Variants in CACNG3 observed in about 807,000 individuals in gnomAD.
CACNG3 encodes voltage-dependent calcium channel gamma-3 subunit.
CACNG3 carries 3 observed loss-of-function variants against 28.5 expected under a neutral mutation model. That is an observed-to-expected ratio of 0.11 (90% CI 0.05 to 0.27). The LOEUF (loss-of-function observed/expected upper bound fraction) is 0.27. Among genes scored for constraint, CACNG3 ranks in the 10% least tolerant of loss-of-function variants. The pLI is 1.00. For synonymous variants in CACNG3, 174 were observed against 162.2 expected, an observed-to-expected ratio of 1.07 and a Z score of -0.55; for missense variants, 236 against 414.4, an observed-to-expected ratio of 0.57 and a Z score of 3.74.
intron 1 of CACNG3, among the ~76,000 whole-genome samples, chr16:24,312,676 G>C (rs1000087393): frequency 1.3e-5 from 2 of 151,704 alleles, no homozygotes; most frequent in Non-Finnish European, 2.9e-5. Context: ...TAATTAGCCA[G>C]ACACTGTGGC....
chr16:24,352,494 G>A (rs1057281027), intron 2 of CACNG3, among the ~76,000 whole-genome samples: 1 of 151,794 alleles, frequency 6.6e-6, no homozygotes, highest in African/African-American at 2.4e-5. Flanking sequence ...AGCTATGAAG[G>A]GCTTTTGCCT....
Position 24,361,603 on chromosome 16 carries a change from C to G in CACNG3, c.688C>G (p.Arg230Gly). Residue 230 changes from arginine to glycine, a missense_variant, in exon 4 of 4, where the codon CGA becomes GGA. By Grantham distance (125) the Arg-to-Gly change is moderately radical. Transcript: ENST00000005284. The surrounding 1 kb of genome is among the most constrained non-coding windows in gnomAD (Gnocchi z 6.8). ...TFARLPPYRYRFRRRSSSRST... is the reference protein window; with the variant it reads ...TFARLPPYRYGFRRRSSSRST... ...TGCCCGCCTCCCACCCTACAGGTAT[C>G]GATTCCGGAGGCGGTCAAGTTCTCG... 6.2e-7 allele frequency: 1 copy of G among 1,613,708 alleles called. No individual in the cohort carries two copies. The highest frequency in any genetic ancestry group is 8.5e-7 in the Non-Finnish European group (1 of 1,179,820).
intron 1 of CACNG3, among the ~76,000 whole-genome samples, chr16:24,294,324 G>C (rs374764158): frequency 1.7e-4 from 26 of 152,322 alleles, no homozygotes; most frequent in Middle Eastern, 6.8e-3. Context: ...CACCATTCCT[G>C]CTGGCAGCAG....
intron 1 of CACNG3, among the ~76,000 whole-genome samples, chr16:24,307,884 C>T (rs1899206959): frequency 6.6e-6 from 1 of 152,212 alleles, no homozygotes; most frequent in Admixed American, 6.5e-5. Flanking sequence ...CATAACTCTA[C>T]TTCTTGGGGT....
rs1491194402 is a variant in CACNG3 at position 24,317,648 on chromosome 16, A to AAAGAAAGAAAGGAAAAG, written c.212-29084_212-29083insGAAAGAAAGGAAAAGAA. ...AAAGACAGACAGAAAGAAAGAAAAG[A>AAAGAAAGAAAGGAAAAG]AAAGAAAGAAAGAAAGAAAGAAAGA... On this transcript the variant is annotated intron_variant, in intron 1 of 3. Coordinates refer to ENST00000005284, the MANE Select transcript of CACNG3 (RefSeq NM_006539.4). Among the ~76,000 whole-genome samples, 24 of 55,736 alleles carry AAAGAAAGAAAGGAAAAG rather than the reference A, an allele frequency of 4.3e-4. 1 individual carries two copies. Among genetic ancestry groups the AAAGAAAGAAAGGAAAAG allele is most frequent in the South Asian group, 1.2e-3 (2 of 1,624 alleles). The allele number at this position is 55,736 out of a possible 152,430, so 36.6% of individuals were successfully genotyped here. A position where few individuals can be genotyped will look rare whatever the true frequency, so the allele number is the denominator to read the frequency against.
At chr16:24,279,530 C>T (rs186585494) in intron 1 of CACNG3, among the ~76,000 whole-genome samples, 6 of 152,190 alleles carry the variant, frequency 3.9e-5, no homozygotes, top group Non-Finnish European at 7.4e-5. Context: ...GTCTTGAACT[C>T]CTGGGCTCAA....
At chr16:24,262,073 G>T (rs575426315) in intron 1 of CACNG3, among the ~76,000 whole-genome samples, 2 of 152,234 alleles carry the variant, frequency 1.3e-5, no homozygotes, top group South Asian at 4.2e-4. Flanking sequence ...AATCTGTAAG[G>T]ACAGGGATTA....
chr16:24,317,161 CA>C (rs1016176526), intron 1 of CACNG3, among the ~76,000 whole-genome samples: 1 of 152,104 alleles, frequency 6.6e-6, no homozygotes, highest in Non-Finnish European at 1.5e-5. Flanking sequence ...TATATTATCT[CA>C]TATAATAGGT....
At chr16:24,354,013 T>G (rs1195303329) in intron 2 of CACNG3, among the ~76,000 whole-genome samples, 1 of 152,080 alleles carries the variant, frequency 6.6e-6, no homozygotes, top group African/African-American at 2.4e-5. Flanking sequence ...GGTAACTTGG[T>G]GAGATCCCAT....
chr16:24,321,437 G>C (rs12921526), intron 1 of CACNG3, among the ~76,000 whole-genome samples: 37,707 of 151,858 alleles, frequency 0.25, 5,893 homozygotes, highest in Non-Finnish European at 0.32. Context: ...TGAGACTCTG[G>C]CTCAAAAATA....
At chr16:24,320,239 A>C (rs1899438936) in intron 1 of CACNG3, among the ~76,000 whole-genome samples, 1 of 152,240 alleles carries the variant, frequency 6.6e-6, no homozygotes, top group Admixed American at 6.5e-5. Context: ...TCAAATGTTT[A>C]GGATTTTACA....
intron 3 of CACNG3, among the ~76,000 whole-genome samples, chr16:24,358,607 T>A (rs1289832166): frequency 6.6e-6 from 1 of 152,180 alleles, no homozygotes; most frequent in African/African-American, 2.4e-5. Context: ...GCCATAGCAA[T>A]GAAGGAGATA....
chr16:24,357,659 C>T (rs1211189880), intron 3 of CACNG3, among the ~76,000 whole-genome samples: 2 of 152,192 alleles, frequency 1.3e-5, no homozygotes, highest in Non-Finnish European at 2.9e-5. Context: ...GCGGTGGCCT[C>T]TACCTTGCTC....
intron 1 of CACNG3, among the ~76,000 whole-genome samples, chr16:24,332,918 T>C (rs1899650666): frequency 6.6e-6 from 1 of 152,138 alleles, no homozygotes; most frequent in Non-Finnish European, 1.5e-5. Context: ...CAAAACGTGA[T>C]GTGTTAACCA....
At chr16:24,291,873 TA>T (rs1169169429) in intron 1 of CACNG3, among the ~76,000 whole-genome samples, 1 of 152,130 alleles carries the variant, frequency 6.6e-6, no homozygotes, top group Admixed American at 6.6e-5. Flanking sequence ...TGTTAGCTAT[TA>T]ACGTCAAGGA....
chr16:24,258,527 A>G (rs1335868836), intron 1 of CACNG3, among the ~76,000 whole-genome samples: 2 of 152,236 alleles, frequency 1.3e-5, no homozygotes, highest in Admixed American at 6.5e-5. Context: ...TAAAGCTTAT[A>G]CTGTATTCAA....
At chr16:24,317,680 G>C (rs1486145970) in intron 1 of CACNG3, among the ~76,000 whole-genome samples, 8 of 102,256 alleles carry the variant, frequency 7.8e-5, no homozygotes, top group Admixed American at 5.8e-4. Flanking sequence ...AAGAAAGAAA[G>C]AAAGAAAGAA....
At chr16:24,302,429 G>C (rs1209566454) in intron 1 of CACNG3, among the ~76,000 whole-genome samples, 1 of 151,968 alleles carries the variant, frequency 6.6e-6, no homozygotes, top group Non-Finnish European at 1.5e-5. Context: ...TCTGCCATCA[G>C]GACGGGTTCC....
intron 2 of CACNG3, among the ~76,000 whole-genome samples, chr16:24,347,609 A>G (rs1899887331): frequency 1.3e-5 from 2 of 152,218 alleles, no homozygotes; most frequent in African/African-American, 4.8e-5. Flanking sequence ...GAGAATAAAT[A>G]CAAACCCAAG....
Sources: gnomAD v4.1 joint callset for allele counts (sites outside exome capture counted in the v4.1 genomes callset) on GRCh38, gnomAD v4.1.1 for gene constraint, Gnocchi (gnomAD v3.1) non-coding constraint, MANE v1.5 for transcripts, NCBI Gene and HGNC (gene_info 2026-07-23, HGNC 2026-07-21) for gene names.